The following KALRN variants were observed in gnomAD, a reference collection of about 807,000 sequenced individuals.
KALRN encodes the protein kalirin.
A neutral mutation model predicts 353.7 loss-of-function variants in KALRN; 70 were observed. The observed-to-expected ratio is 0.20, with a 90% CI of 0.16 to 0.24. The LOEUF (loss-of-function observed/expected upper bound fraction) is 0.24, where lower values mean the gene tolerates loss of function less well. Among genes scored for constraint, KALRN ranks in the 10% least tolerant of loss-of-function variants. The probability of loss-of-function intolerance (pLI) is 1.00; values close to 1 mark genes in which losing one functional copy is unlikely to be tolerated. For synonymous variants in KALRN, 1,391 were observed against 1,434.8 expected (o/e 0.97, Z 0.69); for missense variants, 2,791 against 3,756.7 (o/e 0.74, Z 6.72).
intron 34 of KALRN, among the ~76,000 whole-genome samples, chr3:124,593,894 T>C (rs183429953): frequency 1.2e-4 from 19 of 152,296 alleles, no homozygotes; most frequent in Admixed American, 3.9e-4. Context: ...GGTCTTGCCA[T>C]ATTGCCCAGG....
At chr3:124,538,266 G>GTGTA (rs951344449) in intron 33 of KALRN, among the ~76,000 whole-genome samples, 4 of 151,768 alleles carry the variant, frequency 2.6e-5, no homozygotes, top group Admixed American at 2.6e-4. Context: ...GTGTTTGTGT[G>GTGTA]TGTGTGTGTG....
intron 34 of KALRN, among the ~76,000 whole-genome samples, chr3:124,624,418 A>G (rs1463462063): frequency 6.6e-6 from 1 of 152,238 alleles, no homozygotes; most frequent in Non-Finnish European, 1.5e-5. Flanking sequence ...ATGTATAGAA[A>G]AAAACATATA....
intron 13 of KALRN, among the ~76,000 whole-genome samples, chr3:124,405,811 T>C (rs2091472087): frequency 6.6e-6 from 1 of 151,904 alleles, no homozygotes; most frequent in Non-Finnish European, 1.5e-5. Flanking sequence ...ACCCGGCTAA[T>C]TTTTTTGTAT....
In KALRN at chr3:124,050,102, T is replaced by G. The variant is rs776941111; in HGVS notation, c.73+16289T>G. The stretch of plus-strand genomic sequence containing the variant: ...GATGGGAGCAAAGGAAGAAGGGTAC[T>G]TGGAGCCAAGGCAAGATAGCTAGAT... On this transcript the variant is annotated intron_variant, in intron 1 of 59. Transcript: ENST00000682506. 7.6e-4 allele frequency among the ~76,000 whole-genome samples: 115 copies of G among 152,180 alleles called. 1 individual carries two copies. The highest frequency in any genetic ancestry group is 1.2e-4 in the Non-Finnish European group (8 of 68,034).
intron 1 of KALRN, among the ~76,000 whole-genome samples, chr3:124,114,880 T>A (rs2063322946): frequency 6.6e-6 from 1 of 152,194 alleles, no homozygotes; most frequent in East Asian, 1.9e-4. Context: ...AAACTTCCCG[T>A]CAGTGAGGTA....
At chr3:124,297,367 A>G (rs1267036050) in intron 5 of KALRN, among the ~76,000 whole-genome samples, 1 of 152,210 alleles carries the variant, frequency 6.6e-6, no homozygotes, top group Admixed American at 6.5e-5. Context: ...TAAGTAGTGC[A>G]GTTCTCTTCT....
Position 124,563,035 on chromosome 3 carries a change from A to G in KALRN, c.5128A>G (p.Ile1710Val). ...TCTGGTCCCCAGCAGCGCCCTGTGC[A>G]TCTCACACTCCCGAAGCAGCGTGGA... ...EGLVPSSALCISHSRSSVEMD... is the reference protein window; with the variant it reads ...EGLVPSSALCVSHSRSSVEMD... Residue 1710 changes from isoleucine to valine, a missense_variant, in exon 34 of 60, where the codon ATC (isoleucine) becomes GTC (valine). By Grantham distance (29) the Ile-to-Val change is conservative (BLOSUM62 3). Coordinates refer to ENST00000682506, the MANE Select transcript of KALRN (RefSeq NM_001388419.1). The G allele has an allele frequency of 7.3e-7, 1 of 1,367,866 alleles. No individual in the cohort carries two copies. The highest frequency in any genetic ancestry group is 9.8e-7 in the Non-Finnish European group (1 of 1,022,008). The allele number at this position is 1,367,866 out of a possible 1,614,324, so 84.7% of individuals were successfully genotyped here.
chr3:124,385,396 A>G (rs866973984), intron 11 of KALRN, among the ~76,000 whole-genome samples: 5 of 152,152 alleles, frequency 3.3e-5, no homozygotes, highest in African/African-American at 1.2e-4. Context: ...TACACACCCA[A>G]TTTCTCTTGG....
At chr3:124,156,195 C>T (rs1432271911) in intron 1 of KALRN, among the ~76,000 whole-genome samples, 1 of 152,188 alleles carries the variant, frequency 6.6e-6, no homozygotes, top group Non-Finnish European at 1.5e-5. Flanking sequence ...CAGGGAGTTT[C>T]CCTCCACCTC....
rs146633648 is a variant in KALRN, at chr3:124,037,018, G to T, written c.73+3205G>T. 2.6e-4 allele frequency among the ~76,000 whole-genome samples: 40 copies of T among 152,334 alleles called. No individual in the cohort carries two copies. In the East Asian group the frequency reaches 7.3e-3, roughly 28 times the overall value. ...TGGGAATTCTCTGTTCCAAGCCTGAGAAAGTGTGTTACAGTAATTTTATTG... is the reference window on the plus strand; with the variant it reads ...TGGGAATTCTCTGTTCCAAGCCTGATAAAGTGTGTTACAGTAATTTTATTG... On this transcript the variant is annotated intron_variant, in intron 1 of 59. Transcript: ENST00000682506.
At chr3:124,619,471 T>A (rs1223573301) in intron 34 of KALRN, among the ~76,000 whole-genome samples, 2 of 144,674 alleles carry the variant, frequency 1.4e-5, no homozygotes, top group Admixed American at 7.4e-5. Flanking sequence ...TAATTCCTTT[T>A]TATTTTCCTT....
At chr3:124,115,417 G>A (rs2063363286) in intron 1 of KALRN, among the ~76,000 whole-genome samples, 1 of 152,148 alleles carries the variant, frequency 6.6e-6, no homozygotes, top group Non-Finnish European at 1.5e-5. Context: ...GTTTCGATAT[G>A]TTCTCTTCCT....
At chr3:124,140,883 T>C (rs2066541121) in intron 1 of KALRN, among the ~76,000 whole-genome samples, 1 of 152,192 alleles carries the variant, frequency 6.6e-6, no homozygotes, top group Non-Finnish European at 1.5e-5. Context: ...GGTTTCCTTT[T>C]CTTGAGTTTA....
chr3:124,190,366 T>C (rs1406347711), intron 1 of KALRN, among the ~76,000 whole-genome samples: 3 of 152,180 alleles, frequency 2.0e-5, no homozygotes, highest in African/African-American at 7.2e-5. Context: ...ACCTTCCCCC[T>C]TCCCACCATC....
chr3:124,193,401 T>A (rs919055353), intron 1 of KALRN, among the ~76,000 whole-genome samples: 1 of 151,670 alleles, frequency 6.6e-6, no homozygotes, highest in Admixed American at 6.6e-5. Flanking sequence ...ACTCTCTTTT[T>A]AGCTCTCCTG....
intron 25 of KALRN, among the ~76,000 whole-genome samples, chr3:124,463,413 G>C (rs2060036179): frequency 6.6e-6 from 1 of 152,204 alleles, no homozygotes; most frequent in South Asian, 2.1e-4. Context: ...GTTTGCTGGA[G>C]ATAGAAGGGC....
intron 1 of KALRN, among the ~76,000 whole-genome samples, chr3:124,169,967 T>C (rs1476120761): frequency 6.6e-6 from 1 of 152,126 alleles, no homozygotes; most frequent in Non-Finnish European, 1.5e-5. Context: ...AGATGCCCAT[T>C]GTTGGATATG....
At chr3:124,393,866 C>T (rs1008897491) in intron 11 of KALRN, among the ~76,000 whole-genome samples, 1 of 152,208 alleles carries the variant, frequency 6.6e-6, no homozygotes, top group Non-Finnish European at 1.5e-5. Context: ...GCTTCTCTAT[C>T]TAAGGAACAA....
chr3:124,691,584 C>T (rs1289598873), intron 51 of KALRN, among the ~76,000 whole-genome samples: 1 of 152,130 alleles, frequency 6.6e-6, no homozygotes, highest in Non-Finnish European at 1.5e-5. Context: ...ATTTCTCTAC[C>T]CACAAAACTG....
Sources: allele counts gnomAD v4.1 joint callset (sites outside exome capture counted in the v4.1 genomes callset), GRCh38; gene constraint gnomAD v4.1.1; transcripts MANE v1.5; gene names NCBI Gene and HGNC (gene_info 2026-07-23, HGNC 2026-07-21).